ODF2: variants seen among roughly 807,000 people sequenced by gnomAD.
ODF2 encodes outer dense fiber of sperm tails 2, also known as outer dense fiber protein 2.
Under a neutral mutation model 110.2 loss-of-function variants are expected in ODF2, and 47 were observed. The observed-to-expected ratio is 0.43, with a 90% CI of 0.34 to 0.54. ODF2 has a LOEUF of 0.54. ODF2 is among the 20% of genes least tolerant of loss of function. ODF2 has a pLI of 0.03. For synonymous variants in ODF2, 352 were observed against 397.7 expected, an observed-to-expected ratio of 0.89 and a Z score of 1.37; for missense variants, 812 against 1,054.5, an observed-to-expected ratio of 0.77 and a Z score of 3.19.
intron 16 of ODF2, 89 bp downstream of exon 16, chr9:128,492,894 C>A: frequency 8.5e-7 from 1 of 1,175,624 alleles, no homozygotes; most frequent in Non-Finnish European, 1.2e-6. Flanking sequence ...TTGCCTTTGA[C>A]CCTACCTGAT....
chr9:128,489,930 C>T (rs1357120870), intron 14 of ODF2, among the ~76,000 whole-genome samples: 5 of 152,218 alleles, frequency 3.3e-5, no homozygotes, highest in South Asian at 4.1e-4. Context: ...TCCTTGGCAA[C>T]GCTTGGTAGC....
In ODF2 at chr9:128,484,141, G is replaced by A. The variant is rs1462820688; in HGVS notation, c.1104+87G>A. 8.5e-6 allele frequency: 8 copies of A among 938,918 alleles called. No individual in the cohort carries two copies. The African/African-American group carries it at 1.3e-4, about 15-fold the overall frequency. 58.2% of individuals were successfully genotyped at this position (938,918 alleles called of 1,614,324 possible). ...GGCCTGGCCCAGATATCACACTCAG[G>A]AAGTGTGCCTCCAAAGGTTTCTGAG... On this transcript the variant is annotated intron_variant, in intron 11 of 20. Transcript: ENST00000604420.
rs982451076 is a variant in ODF2, at chr9:128,456,181, C to T, written c.-283C>T. 1.7e-5 allele frequency: 26 copies of T among 1,549,344 alleles called. 2 individuals are homozygous for T. The Middle Eastern group carries it at 3.8e-3, about 224-fold the overall frequency. On this transcript the variant is annotated 5_prime_UTR_variant, in exon 1 of 21. Coordinates refer to ENST00000604420, the Ensembl canonical transcript of ODF2. ...CCAGACTGCATCCGCCGCGGCGTCTCCATGGCACGACCCTGGCCTCCGACT... is the reference window on the plus strand; with the variant it reads ...CCAGACTGCATCCGCCGCGGCGTCTTCATGGCACGACCCTGGCCTCCGACT...
intron 5 of ODF2, among the ~76,000 whole-genome samples, chr9:128,469,879 G>A (rs1474221803): frequency 2.1e-5 from 3 of 144,834 alleles, no homozygotes; most frequent in Non-Finnish European, 4.5e-5. Flanking sequence ...AGCTGCTCAG[G>A]AGGCTGAGGT....
At chr9:128,457,466 C>T (rs772562480) in intron 2 of ODF2, 5 of 1,589,058 alleles carry the variant, frequency 3.1e-6, no homozygotes, top group East Asian at 4.5e-5. Flanking sequence ...GCGCCTGCGC[C>T]GGAGGGCAGG....
chr9:128,483,858 C>T (rs772641431), intron 10 of ODF2, 80 bp from the exon 11 acceptor site: 128 of 989,780 alleles, frequency 1.3e-4, no homozygotes, highest in Non-Finnish European at 5.8e-5. Flanking sequence ...TGCACTCCAG[C>T]CTGGGAAACG....
intron 15 of ODF2, 49 bp downstream of exon 15, chr9:128,492,585 C>T (rs1844818171): frequency 1.3e-6 from 2 of 1,524,648 alleles, no homozygotes; most frequent in Admixed American, 1.7e-5. Flanking sequence ...CCTCCCTGCC[C>T]CCATCAGACT....
chr9:128,456,932 A>G (rs1010023075), intron 1 of ODF2: 1 of 1,250,854 alleles, frequency 8.0e-7, no homozygotes, highest in Non-Finnish European at 1.0e-6. Flanking sequence ...TTCTCCTAGG[A>G]GACAGTTGTC....
At chr9:128,461,861 A>G (rs1013892552) in intron 4 of ODF2, among the ~76,000 whole-genome samples, 8 of 152,218 alleles carry the variant, frequency 5.3e-5, no homozygotes, top group Non-Finnish European at 8.8e-5. Flanking sequence ...TCCTTGATTT[A>G]CCAGACAAAG....
At position 128,460,547 on chromosome 9, in the gene ODF2, C is replaced by T. The variant is rs1434899184; in HGVS notation, c.124-395C>T. 2 of 1,613,680 alleles carry T rather than the reference C, an allele frequency of 1.2e-6. No homozygotes were observed. The highest frequency in any genetic ancestry group is 3.3e-5 in the Admixed American group (2 of 59,966). On this transcript the variant is annotated intron_variant, in intron 3 of 20. Transcript: ENST00000604420. The stretch of plus-strand genomic sequence containing the variant: ...TTTTGTGTTGTCCTCCCCCACCTGC[C>T]AGAAGCCAACCATGAAGGACCGCTC...
At chr9:128,480,337 T>TGACC (rs1842159285) in intron 8 of ODF2, among the ~76,000 whole-genome samples, 1 of 152,248 alleles carries the variant, frequency 6.6e-6, no homozygotes, top group Non-Finnish European at 1.5e-5. Context: ...CATTGTAAAG[T>TGACC]GACCACCTCA....
Position 128,494,781 on chromosome 9 carries a change from T to G in ODF2, c.1911+113T>G. 1 of 1,596,556 alleles carries G rather than the reference T, an allele frequency of 6.3e-7. No individual in the cohort carries two copies. The highest frequency in any genetic ancestry group is 2.0e-4 in the Middle Eastern group (1 of 4,880). ...TACTTCCTTTTTCTTGGCTGCTGCT[T>G]TTTAAAAGGAGTGAGCTATCATCAG... On this transcript the variant is annotated intron_variant, in intron 17 of 20. Transcript: ENST00000604420. This position sits in a 1 kb window ranked among gnomAD's most constrained non-coding sequence, Gnocchi z 4.6.
chr9:128,456,327 C>T (rs2131377233), intron 1 of ODF2, 72 bp downstream of exon 1: 2 of 1,464,010 alleles, frequency 1.4e-6, no homozygotes, highest in Admixed American at 3.1e-5. Context: ...CCTTCGCACC[C>T]CCGGCGCGGT....
intron 5 of ODF2, among the ~76,000 whole-genome samples, chr9:128,470,036 TATATATATATAA>T (rs1402516991): frequency 4.5e-5 from 3 of 65,972 alleles, no homozygotes; most frequent in Non-Finnish European, 8.7e-5. Flanking sequence ...TATATATATA[TATATATATATAA>T]ATAAAAAAAT....
upstream of ODF2, chr9:128,455,348 G>A (rs1398901028): frequency 3.9e-6 from 3 of 765,488 alleles, no homozygotes; most frequent in Admixed American, 2.7e-5. Context: ...TCAGGAGATG[G>A]AGACTATCCT....
At chr9:128,474,194 A>G (rs559341043) in intron 8 of ODF2, among the ~76,000 whole-genome samples, 1 of 152,122 alleles carries the variant, frequency 6.6e-6, no homozygotes, top group Admixed American at 6.6e-5. Context: ...CTCCATCTCT[A>G]CTAAAAATAC....
upstream of ODF2, chr9:128,455,989 G>C: frequency 7.1e-7 from 1 of 1,415,130 alleles, no homozygotes; most frequent in Non-Finnish European, 9.2e-7. Flanking sequence ...GCGTGGCCCG[G>C]AAGTGGGCGG....
intron 18 of ODF2, chr9:128,497,434 AAAAAAAAAAAAAATATATATATAT>A (rs1322146522): frequency 1.1e-5 from 1 of 92,768 alleles, no homozygotes; most frequent in African/African-American, 5.8e-5. Context: ...AAAAAAAAAA[AAAAAAAAAAAAAATATATATATAT>A]ATATATATAT....
rs532703730 is a variant in ODF2, at chr9:128,495,757, T to G, written c.1912-284T>G. Among the ~76,000 whole-genome samples the G allele has an allele frequency of 1.4e-4, 21 of 152,332 alleles. 1 individual carries two copies. Among genetic ancestry groups the G allele is most frequent in the African/African-American group, 5.0e-4 (21 of 41,590 alleles). On this transcript the variant is annotated intron_variant, in intron 17 of 20. Transcript: ENST00000604420. ...TCTGCCTTCTCATGTCTGTCCTGGA[T>G]CCTAGCTGGGTCTCTCTGAGTGGCC...
Sources: gnomAD v4.1 joint callset for allele counts (sites outside exome capture counted in the v4.1 genomes callset) on GRCh38, gnomAD v4.1.1 for gene constraint, Gnocchi (gnomAD v3.1) non-coding constraint, MANE v1.5 for transcripts, NCBI Gene and HGNC (gene_info 2026-07-23, HGNC 2026-07-21) for gene names.